ADAM18: variants seen among roughly 807,000 people sequenced by gnomAD.
ADAM18 encodes the protein ADAM metallopeptidase domain 18, also known as disintegrin and metalloproteinase domain-containing protein 18.
In ADAM18, 117 loss-of-function variants were observed where a neutral mutation model predicts 94.4. The observed-to-expected ratio is 1.24, with a 90% CI of 1.07 to 1.45. ADAM18 has a LOEUF of 1.45. Ranked by LOEUF, ADAM18 falls within the 40% of genes most tolerant of loss-of-function variation. The pLI is 0.00. For synonymous variants in ADAM18, 327 were observed against 291.6 expected, an observed-to-expected ratio of 1.12 and a Z score of -1.24; for missense variants, 936 against 880.0, an observed-to-expected ratio of 1.06 and a Z score of -0.81.
chr8:39,716,391 T>C (rs1162975824), intron 18 of ADAM18, among the ~76,000 whole-genome samples: 1 of 152,004 alleles, frequency 6.6e-6, no homozygotes, highest in African/African-American at 2.4e-5. Context: ...ATTTTTGGCA[T>C]GTTGCATATT....
In ADAM18 at chr8:39,723,842, C is replaced by G; in HGVS notation, c.2112C>G (p.Thr704=). 1 of 1,579,356 alleles carries G rather than the reference C, an allele frequency of 6.3e-7. No individual in the cohort carries two copies. Among genetic ancestry groups the G allele is most frequent in the Non-Finnish European group, 8.6e-7 (1 of 1,161,628 alleles). ...TTCTGCCGTTTTTCATAGTTTTCAC[C>G]ACTGTGATCTTTAAAAGAAATGAAA... ...CIFLPFFIVF[T]TVIFKRNEIS... The change falls in exon 19 of 20, where the codon ACC becomes ACG. Residue 704 remains threonine (T), a synonymous_variant. Transcript: ENST00000265707.
intron 12 of ADAM18, among the ~76,000 whole-genome samples, chr8:39,650,226 G>A (rs886526466): frequency 2.2e-4 from 34 of 152,208 alleles, no homozygotes; most frequent in African/African-American, 8.2e-4. Flanking sequence ...TCTATATTCA[G>A]TCACTTTGAA....
chr8:39,680,715 T>C (rs1821433523), intron 16 of ADAM18, among the ~76,000 whole-genome samples: 1 of 152,196 alleles, frequency 6.6e-6, no homozygotes, highest in African/African-American at 2.4e-5. Flanking sequence ...AACACTTCTA[T>C]CTATGTAGTC....
At chr8:39,612,851 C>T (rs1819318344) in intron 6 of ADAM18, among the ~76,000 whole-genome samples, 1 of 152,080 alleles carries the variant, frequency 6.6e-6, no homozygotes. Context: ...AGCAAATGGG[C>T]TCTTGCCAAC....
chr8:39,633,182 C>A (rs1311187338), intron 7 of ADAM18, among the ~76,000 whole-genome samples: 1 of 152,162 alleles, frequency 6.6e-6, no homozygotes, highest in Non-Finnish European at 1.5e-5. Flanking sequence ...TTACAAACTA[C>A]CCAATCTGTC....
intron 6 of ADAM18, among the ~76,000 whole-genome samples, chr8:39,623,907 G>T (rs1585910255): frequency 6.6e-6 from 1 of 152,262 alleles, no homozygotes; most frequent in African/African-American, 2.4e-5. Context: ...GTGTTGATTA[G>T]TGATGTTTAG....
chr8:39,711,969 A>C (rs1189647494), intron 18 of ADAM18, among the ~76,000 whole-genome samples: 1 of 152,116 alleles, frequency 6.6e-6, no homozygotes, highest in East Asian at 1.9e-4. Context: ...GCAAGCACTA[A>C]AAAATATTAA....
At position 39,664,935 on chromosome 8, in the gene ADAM18, GA is replaced by G. The variant is rs565187281; in HGVS notation, c.1326+1047del. Among the ~76,000 whole-genome samples, 158 of 88,962 alleles carry G rather than the reference GA, an allele frequency of 1.8e-3. 1 individual carries two copies. Among genetic ancestry groups the G allele is most frequent in the African/African-American group, 7.0e-3 (153 of 21,872 alleles). 58.4% of individuals were successfully genotyped at this position (88,962 alleles called of 152,430 possible). On this transcript the variant is annotated intron_variant, in intron 13 of 19. Transcript: ENST00000265707. ...AAATATTCTATGTATTTTTTTTGTTGAATTTAGCTATTAATGTATAATTTAA... is the reference window on the plus strand; with the variant it reads ...AAATATTCTATGTATTTTTTTTGTTGATTTAGCTATTAATGTATAATTTAA...
In ADAM18 at chr8:39,648,363, A is replaced by T; in HGVS notation, c.1066A>T (p.Ile356Phe). The T allele has an allele frequency of 6.3e-7, 1 of 1,593,798 alleles. No individual in the cohort carries two copies. The highest frequency in any genetic ancestry group is 8.5e-7 in the Non-Finnish European group (1 of 1,171,242). Reference sequence around the variant, plus strand: ...TTTTAGGAGTGCCAGTGGTAGAAAGATTTTTAGCAACTGCAGCATGCACGA... The same window carrying T: ...TTTTAGGAGTGCCAGTGGTAGAAAGTTTTTTAGCAACTGCAGCATGCACGA... The part of the protein sequence containing the change: ...HEAVSASGRK[I>F]FSNCSMHDYR... Residue 356 changes from isoleucine to phenylalanine, a missense_variant, in exon 12 of 20, where the codon ATT becomes TTT. Ile to Phe is a conservative substitution (Grantham distance 21). Transcript: ENST00000265707.
chr8:39,587,934 T>G (rs1024590193), intron 2 of ADAM18, among the ~76,000 whole-genome samples: 7 of 152,354 alleles, frequency 4.6e-5, no homozygotes, highest in Non-Finnish European at 1.0e-4. Flanking sequence ...TATGCATTCA[T>G]GTCATTGAAC....
At chr8:39,689,097 T>C (rs1255286300) in intron 16 of ADAM18, among the ~76,000 whole-genome samples, 1 of 152,194 alleles carries the variant, frequency 6.6e-6, no homozygotes, top group East Asian at 1.9e-4. Context: ...TTATAGATGC[T>C]GGGTATTATA....
intron 19 of ADAM18, among the ~76,000 whole-genome samples, chr8:39,725,399 G>A (rs1822874836): frequency 6.6e-6 from 1 of 152,006 alleles, no homozygotes; most frequent in East Asian, 1.9e-4. Context: ...ATACAATACA[G>A]TATTGTTAGC....
chr8:39,720,113 A>G (rs1822706282), intron 18 of ADAM18, among the ~76,000 whole-genome samples: 1 of 151,364 alleles, frequency 6.6e-6, no homozygotes, highest in Non-Finnish European at 1.5e-5. Context: ...ACAGTGGAAT[A>G]CTATCAAATA....
intron 10 of ADAM18, among the ~76,000 whole-genome samples, chr8:39,642,246 A>G (rs1820257895): frequency 6.6e-6 from 1 of 152,102 alleles, no homozygotes; most frequent in African/African-American, 2.4e-5. Flanking sequence ...TATGCTGTGC[A>G]GAAGCTCTTT....
In ADAM18 at chr8:39,730,000, C is replaced by G; in HGVS notation, c.*60C>G. ...GGAACGAATGTGCTTTATTTATAAC[C>G]TTACGTTATCCCCAATGCATTGTAA... On this transcript the variant is annotated 3_prime_UTR_variant, in exon 20 of 20. Transcript: ENST00000265707. The G allele has an allele frequency of 6.6e-7, 1 of 1,506,054 alleles. No homozygotes were observed. The highest frequency in any genetic ancestry group is 9.2e-7 in the Non-Finnish European group (1 of 1,083,710). 93.3% of individuals were successfully genotyped at this position (1,506,054 alleles called of 1,614,324 possible).
intron 14 of ADAM18, among the ~76,000 whole-genome samples, chr8:39,668,661 T>C (rs1399597402): frequency 6.6e-6 from 1 of 152,164 alleles, no homozygotes; most frequent in African/African-American, 2.4e-5. Context: ...TTATGTTTTG[T>C]TTTTCAAACA....
At chr8:39,609,449 G>T in intron 4 of ADAM18, 36 bp from the exon 5 acceptor site, 4 of 1,467,398 alleles carry the variant, frequency 2.7e-6, no homozygotes, top group Non-Finnish European at 3.8e-6. Context: ...TATTCACAAC[G>T]AATTTATATA....
intron 6 of ADAM18, chr8:39,611,629 A>G (rs1819274416): frequency 1.0e-6 from 1 of 972,852 alleles, no homozygotes; most frequent in South Asian, 4.8e-5. Context: ...TTGCTTCCAC[A>G]TATACATCAG....
chr8:39,725,112 G>T (rs570768180), intron 19 of ADAM18, among the ~76,000 whole-genome samples: 28 of 152,000 alleles, frequency 1.8e-4, no homozygotes, highest in Admixed American at 2.6e-4. Flanking sequence ...TGATGGTATC[G>T]TTTAAGTCTT....
Sources: allele counts gnomAD v4.1 joint callset (sites outside exome capture counted in the v4.1 genomes callset), GRCh38; gene constraint gnomAD v4.1.1; transcripts MANE v1.5; gene names NCBI Gene and HGNC (gene_info 2026-07-23, HGNC 2026-07-21).